Variants in EYS observed in about 807,000 individuals in gnomAD.
EYS encodes the protein EGF-like photoreceptor maintenance factor, also known as protein eyes shut homolog.
Under a neutral mutation model 282.1 loss-of-function variants are expected in EYS, and 250 were observed. That is an observed-to-expected ratio of 0.89 (90% CI 0.80 to 0.98). The LOEUF (loss-of-function observed/expected upper bound fraction) is 0.98. Ranked by LOEUF, EYS falls within the 50% of genes least tolerant of loss-of-function variation. The probability of loss-of-function intolerance (pLI) is 0.00; values close to 1 mark genes in which losing one functional copy is unlikely to be tolerated. For synonymous variants in EYS, 1,355 were observed against 1,282.9 expected (o/e 1.06, Z -1.20); for missense variants, 4,016 against 3,709.0 (o/e 1.08, Z -2.15).
intron 22 of EYS, among the ~76,000 whole-genome samples, chr6:64,773,427 T>G (rs1200174667): frequency 6.6e-6 from 1 of 151,886 alleles, no homozygotes; most frequent in Non-Finnish European, 1.5e-5. Context: ...TGAATATTGC[T>G]GCAATGAATA....
chr6:64,474,931 A>G (rs1776216541), intron 26 of EYS, among the ~76,000 whole-genome samples: 1 of 152,204 alleles, frequency 6.6e-6, no homozygotes, highest in African/African-American at 2.4e-5. Flanking sequence ...CACATCATTC[A>G]GGAAAATGGA....
At chr6:63,855,734 T>C (rs1772373452) in intron 36 of EYS, among the ~76,000 whole-genome samples, 1 of 152,112 alleles carries the variant, frequency 6.6e-6, no homozygotes, top group South Asian at 2.1e-4. Flanking sequence ...AAATGCAAAA[T>C]AGTTTAAAGA....
intron 28 of EYS, among the ~76,000 whole-genome samples, chr6:64,393,064 T>TC (rs1773214239): frequency 6.6e-6 from 1 of 152,076 alleles, no homozygotes; most frequent in Non-Finnish European, 1.5e-5. Context: ...ACATACACTC[T>TC]CCCAAGACTA....
rs1432418807 is a variant in EYS, at chr6:64,806,972, CTG to C, written c.3443+6404_3443+6405del. Among the ~76,000 whole-genome samples, 31 of 152,212 alleles carry C rather than the reference CTG, an allele frequency of 2.0e-4. No homozygotes were observed. In the South Asian group the frequency reaches 2.9e-3, roughly 14 times the overall value. On this transcript the variant is annotated intron_variant, in intron 22 of 42. Coordinates refer to ENST00000503581, the MANE Select transcript of EYS (RefSeq NM_001142800.2). ...CTTTGCTTATTTCTGTAGTCCTCTG[CTG>C]TGTGAGTCTAATTTGAATTTTAGTG...
intron 22 of EYS, among the ~76,000 whole-genome samples, chr6:64,741,706 A>C (rs1772377139): frequency 1.3e-5 from 2 of 152,236 alleles, no homozygotes; most frequent in Admixed American, 6.5e-5. Context: ...TATGTTATGG[A>C]AATGGCTTTT....
chr6:63,865,587 T>C lies in EYS; in HGVS notation c.7056-1229A>G, dbSNP rs770990885. Among the ~76,000 whole-genome samples, 7 of 152,168 alleles carry C rather than the reference T, an allele frequency of 4.6e-5. No individual in the cohort carries two copies. The East Asian group carries it at 1.3e-3, about 29-fold the overall frequency. ...TAAGCATAGGTGCCAGGATCAGCCC[T>C]GATAATTGGGAAACTAACATATTTT... On this transcript the variant is annotated intron_variant, in intron 35 of 42. Transcript: ENST00000503581.
At chr6:64,816,635 A>G (rs908128005) in intron 21 of EYS, among the ~76,000 whole-genome samples, 3 of 152,160 alleles carry the variant, frequency 2.0e-5, no homozygotes, top group African/African-American at 7.2e-5. Flanking sequence ...GCATTTATTT[A>G]AACAAAAGAT....
chr6:64,998,124 T>G (rs1771336365), intron 13 of EYS, among the ~76,000 whole-genome samples: 3 of 152,232 alleles, frequency 2.0e-5, no homozygotes, highest in Admixed American at 2.0e-4. Flanking sequence ...GTTCTATGTA[T>G]GACAGAATAT....
Position 64,230,693 on chromosome 6 carries a change from C to T in EYS, c.6323G>A (p.Cys2108Tyr), listed in dbSNP as rs770111708. The T allele has an allele frequency of 3.9e-5, 60 of 1,551,492 alleles. No homozygotes were observed. The highest frequency in any genetic ancestry group is 1.7e-4 in the Middle Eastern group (1 of 6,014). ...AAPSVCQQDV[C>Y]HNGGTCHAIF... Reference sequence around the variant, plus strand: ...GGCATGGCATGTGCCTCCATTGTGGCATACATCCTGCTGGCACACAGAGGG... The same window carrying T: ...GGCATGGCATGTGCCTCCATTGTGGTATACATCCTGCTGGCACACAGAGGG... Residue 2108 changes from cysteine (C) to tyrosine (Y), a missense_variant, in exon 31 of 43, where the codon TGC becomes TAC. By Grantham distance (194) the Cys-to-Tyr change is radical (BLOSUM62 -2). Transcript: ENST00000503581.
intron 1 of EYS, among the ~76,000 whole-genome samples, chr6:65,655,988 G>GT (rs2149822204): frequency 6.6e-6 from 1 of 151,806 alleles, no homozygotes; most frequent in East Asian, 1.9e-4. Context: ...TCACATTTTC[G>GT]TAATTCTCAC....
intron 31 of EYS, among the ~76,000 whole-genome samples, chr6:64,155,912 T>A (rs932858762): frequency 4.6e-5 from 7 of 151,990 alleles, no homozygotes; most frequent in Admixed American, 4.6e-4. Context: ...GCAGAAAACA[T>A]GTGGAACTCC....
intron 31 of EYS, among the ~76,000 whole-genome samples, chr6:64,090,029 C>T (rs188632482): frequency 3.6e-4 from 55 of 152,268 alleles, no homozygotes; most frequent in African/African-American, 1.3e-3. Flanking sequence ...TGTCAAAAAT[C>T]TGAGGCCCCA....
At chr6:64,781,845 CTG>C (rs2149994193) in intron 22 of EYS, among the ~76,000 whole-genome samples, 1 of 152,326 alleles carries the variant, frequency 6.6e-6, no homozygotes, top group East Asian at 1.9e-4. Flanking sequence ...TGCTATAAAA[CTG>C]TTTAACTACT....
chr6:65,125,741 A>G (rs1275665206), intron 12 of EYS, among the ~76,000 whole-genome samples: 3 of 152,106 alleles, frequency 2.0e-5, no homozygotes, highest in Admixed American at 2.0e-4. Context: ...AGAAGCTCAA[A>G]CCATGTAAAC....
At position 64,335,311 on chromosome 6, in the gene EYS, G is replaced by A. The variant is rs187117670; in HGVS notation, c.6079-28229C>T. 3.2e-3 allele frequency among the ~76,000 whole-genome samples: 436 copies of A among 134,814 alleles called. 3 individuals are homozygous for A. The highest frequency in any genetic ancestry group is 0.012 in the African/African-American group (403 of 34,908). 88.4% of individuals were successfully genotyped at this position (134,814 alleles called of 152,430 possible). On this transcript the variant is annotated intron_variant, in intron 29 of 42. Coordinates refer to ENST00000503581, the MANE Select transcript of EYS (RefSeq NM_001142800.2). ...TATTAACAGCCTATCTTCTCTCTGC[G>A]GTCAGTAGACCTTATCTATACTCCC...
intron 2 of EYS, among the ~76,000 whole-genome samples, chr6:65,526,582 G>A (rs982492091): frequency 9.2e-5 from 14 of 152,088 alleles, no homozygotes; most frequent in African/African-American, 3.4e-4. Context: ...GAGGGGGGTG[G>A]ATCACGAGGT....
intron 12 of EYS, among the ~76,000 whole-genome samples, chr6:65,287,243 T>C (rs538153022): frequency 6.6e-6 from 1 of 151,556 alleles, no homozygotes; most frequent in Non-Finnish European, 1.5e-5. Context: ...ATAATTTTAC[T>C]ACCATTTACT....
At chr6:64,709,271 A>G (rs1484421783) in intron 22 of EYS, among the ~76,000 whole-genome samples, 1 of 152,178 alleles carries the variant, frequency 6.6e-6, no homozygotes, top group African/African-American at 2.4e-5. Context: ...ACATCATTAA[A>G]GTGATATTAG....
intron 12 of EYS, among the ~76,000 whole-genome samples, chr6:65,190,335 T>C (rs1765611560): frequency 6.7e-6 from 1 of 148,762 alleles, no homozygotes; most frequent in South Asian, 2.1e-4. Context: ...ATATTATATT[T>C]TATATGAAAT....
Sources: allele counts gnomAD v4.1 joint callset (sites outside exome capture counted in the v4.1 genomes callset), GRCh38; gene constraint gnomAD v4.1.1; transcripts MANE v1.5; gene names NCBI Gene and HGNC (gene_info 2026-07-23, HGNC 2026-07-21).